The following RMDN2 variants were observed in gnomAD, a reference collection of about 807,000 sequenced individuals.
RMDN2 encodes regulator of microtubule dynamics 2, also known as regulator of microtubule dynamics protein 2.
Under a neutral mutation model 52.8 loss-of-function variants are expected in RMDN2, and 61 were observed. The ratio of observed to expected loss-of-function variants is 1.16; its 90% confidence interval spans 0.94 to 1.43. The LOEUF is 1.43. RMDN2 is among the 40% of genes most tolerant of loss of function. The probability of loss-of-function intolerance (pLI) is 0.00; values close to 1 mark genes in which losing one functional copy is unlikely to be tolerated. For missense variants in RMDN2, 592 were observed against 475.3 expected, an observed-to-expected ratio of 1.25 and a Z score of -2.28; for synonymous variants, 180 against 153.1, an observed-to-expected ratio of 1.18 and a Z score of -1.30.
chr2:38,009,973 C>G (rs1286829873), intron 10 of RMDN2, among the ~76,000 whole-genome samples: 4 of 152,154 alleles, frequency 2.6e-5, no homozygotes, highest in Non-Finnish European at 5.9e-5. Context: ...TGCTGGAGGT[C>G]CACTCCAGAC....
chr2:37,976,060 A>G (rs1048521172), intron 4 of RMDN2, among the ~76,000 whole-genome samples: 45 of 152,236 alleles, frequency 3.0e-4, no homozygotes, highest in Non-Finnish European at 6.3e-4. Context: ...GGGACTACGA[A>G]GAATAAACTC....
At chr2:38,004,902 T>C (rs1035255822) in intron 10 of RMDN2, among the ~76,000 whole-genome samples, 2 of 149,822 alleles carry the variant, frequency 1.3e-5, no homozygotes, top group Admixed American at 1.3e-4. Context: ...CCTGCGTCCA[T>C]GTGTTCTGAT....
chr2:38,014,068 C>T (rs562223844), intron 10 of RMDN2, among the ~76,000 whole-genome samples: 3 of 152,002 alleles, frequency 2.0e-5, no homozygotes, highest in South Asian at 4.1e-4. Flanking sequence ...CAAAATTAGT[C>T]GGGCGTGGTG....
rs185544323 is a variant in RMDN2, at chr2:38,008,661, A to G, written c.1179+4445A>G. On this transcript the variant is annotated intron_variant, in intron 10 of 10. Coordinates refer to ENST00000354545, the MANE Select transcript of RMDN2 (RefSeq NM_001170791.3). ...CTGTTGGGTCTTGACTCTTTATCCAATTGGCCTGTCTGTGTCTTAGTTGGA... is the reference window on the plus strand; with the variant it reads ...CTGTTGGGTCTTGACTCTTTATCCAGTTGGCCTGTCTGTGTCTTAGTTGGA... Among the ~76,000 whole-genome samples the G allele has an allele frequency of 1.5e-4, 23 of 152,208 alleles. 1 individual carries two copies. Among genetic ancestry groups the G allele is most frequent in the East Asian group, 1.4e-3 (7 of 5,184 alleles).
At chr2:37,965,019 C>A (rs765158292) in intron 2 of RMDN2, among the ~76,000 whole-genome samples, 2 of 152,016 alleles carry the variant, frequency 1.3e-5, no homozygotes, top group African/African-American at 4.8e-5. Context: ...GACTTAAAGT[C>A]TATTTTGTCT....
At chr2:38,056,653 TG>T (rs1342144595) in intron 10 of RMDN2, among the ~76,000 whole-genome samples, 1 of 152,200 alleles carries the variant, frequency 6.6e-6, no homozygotes, top group African/African-American at 2.4e-5. Context: ...GGGTGTCCCA[TG>T]TGACTAGATA....
At chr2:38,027,695 C>A (rs1263840279) in intron 10 of RMDN2, among the ~76,000 whole-genome samples, 1 of 152,122 alleles carries the variant, frequency 6.6e-6, no homozygotes, top group Non-Finnish European at 1.5e-5. Context: ...AATAAAATTG[C>A]ATGTGGAGAG....
At chr2:37,952,948 ATAAAG>A (rs1669030285) in intron 2 of RMDN2, 3 of 151,796 alleles carry the variant, frequency 2.0e-5, no homozygotes, top group South Asian at 4.1e-4. Context: ...AAAGACTGTT[ATAAAG>A]TATTTATCAA....
chr2:37,938,732 G>T (rs990770488), intron 2 of RMDN2, among the ~76,000 whole-genome samples: 15 of 152,314 alleles, frequency 9.8e-5, no homozygotes, highest in Admixed American at 6.5e-5. Context: ...TGTGGAATCA[G>T]TGGTGATCTC....
intron 2 of RMDN2, chr2:37,953,210 A>G (rs1159489058): frequency 2.6e-5 from 4 of 151,984 alleles, no homozygotes; most frequent in Admixed American, 1.3e-4. Context: ...AAAATTTACT[A>G]TCTTAACCAT....
chr2:37,955,382 T>C (rs1669317778), intron 2 of RMDN2, among the ~76,000 whole-genome samples: 1 of 152,172 alleles, frequency 6.6e-6, no homozygotes, highest in Non-Finnish European at 1.5e-5. Flanking sequence ...TCCTAGTTTG[T>C]TGAGTGTTTT....
At chr2:37,973,479 A>C (rs1333053186) in intron 2 of RMDN2, among the ~76,000 whole-genome samples, 1 of 152,218 alleles carries the variant, frequency 6.6e-6, no homozygotes, top group African/African-American at 2.4e-5. Context: ...GGGAGCTTGC[A>C]TTCTCCTGGG....
chr2:37,965,210 A>C (rs182125023), intron 2 of RMDN2, among the ~76,000 whole-genome samples: 33 of 152,244 alleles, frequency 2.2e-4, no homozygotes, highest in African/African-American at 7.9e-4. Context: ...TGAGGAATTT[A>C]ATCCCATTTA....
intron 10 of RMDN2, among the ~76,000 whole-genome samples, chr2:38,039,047 T>TACACAC (rs71414270): frequency 0.014 from 1,812 of 127,272 alleles, 18 homozygotes; most frequent in Non-Finnish European, 0.021. Flanking sequence ...CCAGATGCTA[T>TACACAC]ACACACACAC....
chr2:38,025,301 A>T (rs1041635597), intron 10 of RMDN2, among the ~76,000 whole-genome samples: 1 of 151,994 alleles, frequency 6.6e-6, no homozygotes, highest in Non-Finnish European at 1.5e-5. Flanking sequence ...TTTTTATTGT[A>T]TATAGAAATG....
At chr2:37,963,196 G>A (rs1479629043) in intron 2 of RMDN2, 1 of 152,240 alleles carries the variant, frequency 6.6e-6, no homozygotes, top group Non-Finnish European at 1.5e-5. Flanking sequence ...CTAGGGCTCT[G>A]TGAAACATTT....
intron 10 of RMDN2, among the ~76,000 whole-genome samples, chr2:38,007,727 T>C (rs1198098794): frequency 6.6e-6 from 1 of 152,236 alleles, no homozygotes; most frequent in Non-Finnish European, 1.5e-5. Context: ...CTGATCTTAG[T>C]TATTTCTTGC....
intron 8 of RMDN2, among the ~76,000 whole-genome samples, chr2:37,999,011 C>T: frequency 6.6e-6 from 1 of 152,104 alleles, no homozygotes; most frequent in East Asian, 1.9e-4. Context: ...ATAAAAGATG[C>T]CACATTAACT....
intron 10 of RMDN2, among the ~76,000 whole-genome samples, chr2:38,014,720 T>C (rs1678500542): frequency 6.6e-6 from 1 of 152,184 alleles, no homozygotes; most frequent in Non-Finnish European, 1.5e-5. Context: ...AATATGTGTG[T>C]TTGGGTGAAA....
Sources: allele counts gnomAD v4.1 joint callset (sites outside exome capture counted in the v4.1 genomes callset), GRCh38; gene constraint gnomAD v4.1.1; transcripts MANE v1.5; gene names NCBI Gene and HGNC (gene_info 2026-07-23, HGNC 2026-07-21).